The following CCDC178 variants were observed in gnomAD, a reference collection of about 807,000 sequenced individuals.
CCDC178 encodes coiled-coil domain-containing protein 178.
In CCDC178, 126 loss-of-function variants were observed where a neutral mutation model predicts 117.4. The ratio of observed to expected loss-of-function variants is 1.07; its 90% CI spans 0.93 to 1.24. The LOEUF (loss-of-function observed/expected upper bound fraction) is 1.24, where lower values mean the gene tolerates loss of function less well. CCDC178 is among the 50% of genes most tolerant of loss of function. The probability of loss-of-function intolerance (pLI) is 0.00; values close to 1 mark genes in which losing one functional copy is unlikely to be tolerated. For synonymous variants in CCDC178, 283 were observed against 313.4 expected, an observed-to-expected ratio of 0.90 and a Z score of 1.02; for missense variants, 1,030 against 986.9, an observed-to-expected ratio of 1.04 and a Z score of -0.59.
intron 22 of CCDC178, chr18:32,956,924 C>A (rs2054607537): frequency 6.6e-6 from 1 of 152,122 alleles, no homozygotes; most frequent in African/African-American, 2.4e-5. Context: ...TCTGTAGGAT[C>A]ATTCTTATTT....
chr18:33,020,601 A>C (rs940993023), intron 21 of CCDC178, among the ~76,000 whole-genome samples: 2 of 152,168 alleles, frequency 1.3e-5, no homozygotes, highest in Admixed American at 6.6e-5. Flanking sequence ...TTACTTTTTT[A>C]AAAGCAATTG....
intron 20 of CCDC178, among the ~76,000 whole-genome samples, chr18:33,120,193 AAG>A (rs992590118): frequency 6.9e-6 from 1 of 145,742 alleles, no homozygotes; most frequent in Non-Finnish European, 1.5e-5. Flanking sequence ...ATAATAAAGA[AAG>A]AAAAAAAAAA....
intron 2 of CCDC178, among the ~76,000 whole-genome samples, chr18:33,414,332 A>G (rs1455932433): frequency 6.6e-6 from 1 of 152,192 alleles, no homozygotes; most frequent in Non-Finnish European, 1.5e-5. Flanking sequence ...TTAGAAAAAA[A>G]AACTATCTTG....
intron 2 of CCDC178, among the ~76,000 whole-genome samples, chr18:33,416,447 A>T (rs1033742055): frequency 1.3e-5 from 2 of 151,852 alleles, no homozygotes; most frequent in Admixed American, 6.6e-5. Flanking sequence ...AAAAGAAAAA[A>T]ACTGCCCCCA....
At chr18:33,249,244 T>A (rs1364902529) in intron 14 of CCDC178, among the ~76,000 whole-genome samples, 2 of 152,168 alleles carry the variant, frequency 1.3e-5, no homozygotes, top group African/African-American at 4.8e-5. Context: ...GGTAGTTTCT[T>A]TTGCTGTGCA....
At chr18:33,148,233 C>G (rs971603428) in intron 20 of CCDC178, among the ~76,000 whole-genome samples, 7 of 152,326 alleles carry the variant, frequency 4.6e-5, no homozygotes, top group African/African-American at 1.4e-4. Flanking sequence ...ACCAGCCCGG[C>G]CAACACAGCC....
intron 22 of CCDC178, among the ~76,000 whole-genome samples, chr18:32,972,970 T>C (rs573543143): frequency 2.6e-5 from 4 of 152,204 alleles, no homozygotes; most frequent in Middle Eastern, 3.4e-3. Flanking sequence ...GTTCCCCAAA[T>C]ACAATCCAAC....
chr18:32,940,339 A>G (rs1161665696), intron 22 of CCDC178, among the ~76,000 whole-genome samples: 1 of 151,948 alleles, frequency 6.6e-6, no homozygotes, highest in East Asian at 1.9e-4. Context: ...ACTTTTATCA[A>G]CTTTTCTTTT....
chr18:33,060,174 G>T (rs1002160333), intron 21 of CCDC178, among the ~76,000 whole-genome samples: 1 of 151,964 alleles, frequency 6.6e-6, no homozygotes, highest in African/African-American at 2.4e-5. Context: ...ACTTCTTAAG[G>T]TATTATTTAT....
intron 21 of CCDC178, among the ~76,000 whole-genome samples, chr18:33,043,783 G>C (rs1431740502): frequency 6.6e-6 from 1 of 151,700 alleles, no homozygotes; most frequent in East Asian, 1.9e-4. Context: ...AGATTTTCTA[G>C]CAATTATATG....
At chr18:32,996,627 G>T (rs1471802267) in intron 21 of CCDC178, among the ~76,000 whole-genome samples, 1 of 151,894 alleles carries the variant, frequency 6.6e-6, no homozygotes, top group Non-Finnish European at 1.5e-5. Context: ...GTTAAAATAT[G>T]ATTTAAAGAG....
chr18:33,099,238 A>G (rs1045479906), intron 20 of CCDC178, among the ~76,000 whole-genome samples: 3 of 152,094 alleles, frequency 2.0e-5, no homozygotes, highest in Non-Finnish European at 2.9e-5. Context: ...GCATAGCATT[A>G]CAAGTAATGT....
At chr18:33,028,901 C>G (rs766143062) in intron 21 of CCDC178, among the ~76,000 whole-genome samples, 1 of 151,746 alleles carries the variant, frequency 6.6e-6, no homozygotes, top group Non-Finnish European at 1.5e-5. Flanking sequence ...ACTCATTTTA[C>G]ATGGTGTTGG....
At chr18:33,194,034 C>T (rs1200122717) in intron 20 of CCDC178, among the ~76,000 whole-genome samples, 1 of 152,156 alleles carries the variant, frequency 6.6e-6, no homozygotes, top group Non-Finnish European at 1.5e-5. Context: ...GAAGGCAGAG[C>T]ACTCATGGCC....
intron 11 of CCDC178, among the ~76,000 whole-genome samples, chr18:33,302,883 A>G (rs1022848501): frequency 1.3e-5 from 2 of 152,160 alleles, no homozygotes; most frequent in African/African-American, 4.8e-5. Flanking sequence ...GGGGGGATAG[A>G]CAGAGATTTT....
intron 20 of CCDC178, among the ~76,000 whole-genome samples, chr18:33,204,682 G>A (rs1443958738): frequency 1.3e-5 from 2 of 152,128 alleles, no homozygotes; most frequent in Non-Finnish European, 2.9e-5. Flanking sequence ...ATCCCAAAAT[G>A]TGTGGCTTGA....
At chr18:33,421,963 A>C (rs1231371778) in intron 2 of CCDC178, among the ~76,000 whole-genome samples, 1 of 152,212 alleles carries the variant, frequency 6.6e-6, no homozygotes, top group Admixed American at 6.5e-5. Context: ...AACGAAACAG[A>C]AGAAATCAGA....
intron 21 of CCDC178, among the ~76,000 whole-genome samples, chr18:32,985,501 T>C (rs1170174334): frequency 6.6e-6 from 1 of 152,000 alleles, no homozygotes; most frequent in Non-Finnish European, 1.5e-5. Context: ...ATCTGAAAAG[T>C]AGTGCAAATT....
At chr18:32,979,648 GA>G (rs373577946) in intron 21 of CCDC178, among the ~76,000 whole-genome samples, 27 of 152,292 alleles carry the variant, frequency 1.8e-4, no homozygotes, top group African/African-American at 6.0e-4. Context: ...TCATATATGA[GA>G]AAAGAGTGTC....
Sources: allele counts gnomAD v4.1 joint callset (sites outside exome capture counted in the v4.1 genomes callset), GRCh38; gene constraint gnomAD v4.1.1; transcripts MANE v1.5; gene names NCBI Gene and HGNC (gene_info 2026-07-23, HGNC 2026-07-21).